USH2A: variants seen among roughly 807,000 people sequenced by gnomAD.
The protein encoded by USH2A is usherin, also known as Usher syndrome 2A (autosomal recessive, mild).
A neutral mutation model predicts 538.9 loss-of-function variants in USH2A; 443 were observed. That is an observed-to-expected ratio of 0.82 (90% CI 0.76 to 0.89). USH2A has a LOEUF of 0.89. USH2A is among the 40% of genes least tolerant of loss of function. The pLI, the probability that USH2A is intolerant of heterozygous loss-of-function variation, is 0.00. For missense variants in USH2A, 6,633 were observed against 6,324.8 expected, an observed-to-expected ratio of 1.05 and a Z score of -1.65; for synonymous variants, 2,413 against 2,273.5, an observed-to-expected ratio of 1.06 and a Z score of -1.75.
chr1:216,003,396 A>T (rs1668318471), intron 32 of USH2A, among the ~76,000 whole-genome samples: 1 of 152,164 alleles, frequency 6.6e-6, no homozygotes, highest in Non-Finnish European at 1.5e-5. Context: ...TTACATGAAA[A>T]CTGCTGCAGA....
At chr1:216,140,963 T>C (rs1159051150) in intron 21 of USH2A, among the ~76,000 whole-genome samples, 1 of 152,220 alleles carries the variant, frequency 6.6e-6, no homozygotes, top group Non-Finnish European at 1.5e-5. Context: ...TAACAACATA[T>C]GTCTTTCTTC....
At chr1:216,072,506 G>T (rs1008869654) in intron 29 of USH2A, 1 of 297,190 alleles carries the variant, frequency 3.4e-6, no homozygotes, top group East Asian at 9.0e-5. Context: ...AAGTCAAGAA[G>T]GTGCCACTCC....
chr1:216,108,507 C>T (rs2102583524), intron 21 of USH2A, among the ~76,000 whole-genome samples: 1 of 151,842 alleles, frequency 6.6e-6, no homozygotes, highest in Middle Eastern at 3.4e-3. Context: ...GTTGTTTCAT[C>T]ATCAAATTTG....
At chr1:216,418,990 C>T (rs1009598897) in intron 2 of USH2A, among the ~76,000 whole-genome samples, 2 of 152,076 alleles carry the variant, frequency 1.3e-5, no homozygotes. Flanking sequence ...AGGTTATTGG[C>T]TCATTAGTTC....
chr1:216,361,700 A>G (rs572131455), intron 4 of USH2A, among the ~76,000 whole-genome samples: 7 of 152,214 alleles, frequency 4.6e-5, no homozygotes, highest in Non-Finnish European at 8.8e-5. Flanking sequence ...AAAGAATGAT[A>G]ACATCTGGCA....
chr1:216,305,755 T>C (rs1019724246), intron 9 of USH2A, among the ~76,000 whole-genome samples: 3 of 152,186 alleles, frequency 2.0e-5, no homozygotes, highest in African/African-American at 7.2e-5. Flanking sequence ...ACTGTATTTT[T>C]CCTTCATTTA....
intron 41 of USH2A, among the ~76,000 whole-genome samples, chr1:215,885,220 T>C (rs897850757): frequency 6.7e-6 from 1 of 148,826 alleles, no homozygotes; most frequent in Non-Finnish European, 1.5e-5. Context: ...TTTCTGCATC[T>C]ATTGATAAAA....
chr1:216,280,601 T>C lies in USH2A; in HGVS notation c.1971+8679A>G, dbSNP rs138010700. 2.3e-4 allele frequency among the ~76,000 whole-genome samples: 35 copies of C among 152,340 alleles called. No homozygotes were observed. In the East Asian group the frequency reaches 5.2e-3, roughly 23 times the overall value. ...ATTAATATTAGTACTGTGCTTTAGATGTTCTCTCTGTCTTGACTGTGGCAT... is the reference window on the plus strand; with the variant it reads ...ATTAATATTAGTACTGTGCTTTAGACGTTCTCTCTGTCTTGACTGTGGCAT... On this transcript the variant is annotated intron_variant, in intron 11 of 71. Transcript: ENST00000307340.
chr1:216,292,507 T>C, intron 9 of USH2A, 137 bp from the exon 10 acceptor site: 3 of 987,420 alleles, frequency 3.0e-6, no homozygotes, highest in Non-Finnish European at 2.9e-6. Flanking sequence ...ATTTGAAAAA[T>C]ATTTCGTAAG....
At position 215,889,799 on chromosome 1, in the gene USH2A, G is replaced by A. The variant is rs564467042; in HGVS notation, c.7595-745C>T. On this transcript the variant is annotated intron_variant, in intron 40 of 71. Coordinates refer to ENST00000307340, the MANE Select transcript of USH2A (RefSeq NM_206933.4). ...ACCATATGCCTGCATAGGTGTTGTG[G>A]AACAGCAAATATTCTGCAGCCCTCC... Among the ~76,000 whole-genome samples the A allele has an allele frequency of 4.6e-5, 7 of 152,186 alleles. No homozygotes were observed. In the South Asian group the frequency reaches 1.5e-3, roughly 32 times the overall value.
At chr1:215,702,110 T>C (rs560309516) in intron 61 of USH2A, among the ~76,000 whole-genome samples, 9 of 152,224 alleles carry the variant, frequency 5.9e-5, no homozygotes, top group Non-Finnish European at 7.3e-5. Flanking sequence ...AATTCTGGGT[T>C]GAAAATTCTT....
At chr1:215,973,380 C>A (rs1667541031) in intron 35 of USH2A, among the ~76,000 whole-genome samples, 1 of 152,136 alleles carries the variant, frequency 6.6e-6, no homozygotes, top group Admixed American at 6.6e-5. Context: ...GGAAATCCTT[C>A]TAGTAAGTTC....
chr1:215,645,930 A>G (rs886305170), intron 67 of USH2A, among the ~76,000 whole-genome samples: 1 of 152,232 alleles, frequency 6.6e-6, no homozygotes, highest in East Asian at 1.9e-4. Context: ...AATTAAAAAA[A>G]AAACAAAATG....
intron 11 of USH2A, among the ~76,000 whole-genome samples, chr1:216,275,595 T>A (rs1001537950): frequency 1.3e-5 from 2 of 152,204 alleles, no homozygotes; most frequent in African/African-American, 4.8e-5. Flanking sequence ...GAGAGGAAGG[T>A]ATCCATCTGA....
intron 32 of USH2A, among the ~76,000 whole-genome samples, chr1:216,023,723 A>G (rs1668899395): frequency 6.6e-6 from 1 of 152,078 alleles, no homozygotes; most frequent in Admixed American, 6.6e-5. Context: ...GATACAAGTC[A>G]TTTAAAAACA....
chr1:216,274,520 C>A (rs1253722629), intron 11 of USH2A, among the ~76,000 whole-genome samples: 1 of 152,060 alleles, frequency 6.6e-6, no homozygotes, highest in Non-Finnish European at 1.5e-5. Context: ...TAAGCTTCTG[C>A]ATCTAGAGAA....
chr1:215,732,905 C>T (rs1019817267), intron 60 of USH2A, among the ~76,000 whole-genome samples: 2 of 152,028 alleles, frequency 1.3e-5, no homozygotes, highest in African/African-American at 4.8e-5. Context: ...ATCACTTTTT[C>T]CAGAAAGTCT....
chr1:215,817,287 T>A, intron 47 of USH2A, 92 bp from the exon 48 acceptor site: 1 of 702,270 alleles, frequency 1.4e-6, no homozygotes, highest in Non-Finnish European at 2.2e-6. Flanking sequence ...CAATAGATAC[T>A]AATATATATA....
At chr1:215,892,979 A>G (rs1380762801) in intron 40 of USH2A, among the ~76,000 whole-genome samples, 2 of 152,140 alleles carry the variant, frequency 1.3e-5, no homozygotes, top group African/African-American at 4.8e-5. Context: ...GCTGGGGCAT[A>G]TTGTGGGGTG....
Sources: gnomAD v4.1 joint callset for allele counts (sites outside exome capture counted in the v4.1 genomes callset) on GRCh38, gnomAD v4.1.1 for gene constraint, MANE v1.5 for transcripts, NCBI Gene and HGNC (gene_info 2026-07-23, HGNC 2026-07-21) for gene names.